The following ABRACL variants were observed in gnomAD, a reference collection of about 807,000 sequenced individuals.
The protein encoded by ABRACL is ABRA C-terminal like.
Under a neutral mutation model 7.0 loss-of-function variants are expected in ABRACL, and 4 were observed. The observed-to-expected ratio is 0.57, with a 90% CI of 0.28 to 1.30. The LOEUF is 1.30. ABRACL is among the 50% of genes most tolerant of loss of function. The pLI is 0.10. For missense variants in ABRACL, 104 were observed against 97.3 expected (o/e 1.07, Z -0.29); for synonymous variants, 30 against 36.0 (o/e 0.83, Z 0.60).
rs565297826 is a variant in ABRACL at position 139,042,995 on chromosome 6, T to G, written c.*92T>G. 1.4e-5 allele frequency: 15 copies of G among 1,109,364 alleles called. No individual in the cohort carries two copies. The African/African-American group carries it at 1.6e-4, about 12-fold the overall frequency. The allele number at this position is 1,109,364 out of a possible 1,614,324, so 68.7% of individuals were successfully genotyped here. A position where few individuals can be genotyped will look rare whatever the true frequency, so the allele number is the denominator to read the frequency against. On this transcript the variant is annotated 3_prime_UTR_variant, in exon 3 of 3. Coordinates refer to ENST00000367660, the MANE Select transcript of ABRACL (RefSeq NM_021243.3). ...AACAAACATTTGAACATACTTAATG[T>G]ATTTTTATAGAACTTTGTAAACGAA...
intron 2 of ABRACL, among the ~76,000 whole-genome samples, chr6:139,040,171 A>AT (rs1429874836): frequency 6.6e-6 from 1 of 152,158 alleles, no homozygotes; most frequent in African/African-American, 2.4e-5. Flanking sequence ...TTTCTTCCAC[A>AT]TTTTTTCTTC....
At chr6:139,032,722 G>T (rs1786101116) in intron 1 of ABRACL, among the ~76,000 whole-genome samples, 1 of 152,132 alleles carries the variant, frequency 6.6e-6, no homozygotes, top group East Asian at 1.9e-4. Context: ...TCTCTTATAT[G>T]ATTTGAAAAA....
intron 1 of ABRACL, among the ~76,000 whole-genome samples, chr6:139,032,719 T>C (rs758639692): frequency 6.6e-6 from 1 of 152,224 alleles, no homozygotes; most frequent in Non-Finnish European, 1.5e-5. Flanking sequence ...TGGTCTCTTA[T>C]ATGATTTGAA....
intron 2 of ABRACL, among the ~76,000 whole-genome samples, chr6:139,041,531 A>ATATTTTTTT (rs748288046): frequency 0.011 from 1,358 of 126,004 alleles, 46 homozygotes; most frequent in South Asian, 0.045. Flanking sequence ...ATATATATAT[A>ATATTTTTTT]TTTTTTTTTA....
chr6:139,035,471 C>G (rs1449419301), intron 2 of ABRACL, among the ~76,000 whole-genome samples: 2 of 149,742 alleles, frequency 1.3e-5, no homozygotes, highest in African/African-American at 4.9e-5. Context: ...ATCATACTGA[C>G]ATCCTCCACT....
In ABRACL at chr6:139,042,981, G is replaced by T; in HGVS notation, c.*78G>T. 1 of 1,216,776 alleles carries T rather than the reference G, an allele frequency of 8.2e-7. No individual in the cohort carries two copies. The highest frequency in any genetic ancestry group is 1.7e-5 in the South Asian group (1 of 58,676). The allele number at this position is 1,216,776 out of a possible 1,614,324, so 75.4% of individuals were successfully genotyped here. A position where few individuals can be genotyped will look rare whatever the true frequency, so the allele number is the denominator to read the frequency against. Reference sequence around the variant, plus strand: ...ATATAAAGTGAAAGAACAAACATTTGAACATACTTAATGTATTTTTATAGA... The same window carrying T: ...ATATAAAGTGAAAGAACAAACATTTTAACATACTTAATGTATTTTTATAGA... On this transcript the variant is annotated 3_prime_UTR_variant, in exon 3 of 3. Transcript: ENST00000367660.
chr6:139,037,271 C>T (rs1786173662), intron 2 of ABRACL, among the ~76,000 whole-genome samples: 1 of 151,898 alleles, frequency 6.6e-6, no homozygotes, highest in South Asian at 2.1e-4. Flanking sequence ...TATTTAGTTT[C>T]TTTTTTGAGA....
intron 2 of ABRACL, among the ~76,000 whole-genome samples, chr6:139,042,095 C>A (rs1246130216): frequency 2.0e-5 from 3 of 152,158 alleles, no homozygotes; most frequent in Non-Finnish European, 2.9e-5. Flanking sequence ...TTACCCTTGC[C>A]TCCAGGTTTT....
intron 1 of ABRACL, among the ~76,000 whole-genome samples, chr6:139,029,280 G>A (rs1786041416): frequency 6.6e-6 from 1 of 152,122 alleles, no homozygotes; most frequent in Non-Finnish European, 1.5e-5. Context: ...GGAACGTGGT[G>A]GCCTCAGGGC....
At chr6:139,037,622 C>T (rs1369977673) in intron 2 of ABRACL, among the ~76,000 whole-genome samples, 4 of 152,074 alleles carry the variant, frequency 2.6e-5, no homozygotes, top group Non-Finnish European at 5.9e-5. Flanking sequence ...ATTTTTCTCC[C>T]ACGCATTTCA....
intron 2 of ABRACL, among the ~76,000 whole-genome samples, chr6:139,041,901 A>G (rs934606758): frequency 6.6e-6 from 1 of 152,140 alleles, no homozygotes; most frequent in African/African-American, 2.4e-5. Context: ...AGTTCTAGCC[A>G]GGGAGCATGG....
chr6:139,036,171 C>A (rs1293470080), intron 2 of ABRACL, among the ~76,000 whole-genome samples: 5 of 151,660 alleles, frequency 3.3e-5, no homozygotes, highest in African/African-American at 1.2e-4. Flanking sequence ...GAACTCCTGG[C>A]CTCAAGTGAT....
rs1032192172 is a variant in ABRACL, at chr6:139,042,985, A to G, written c.*82A>G. ...AAAGTGAAAGAACAAACATTTGAAC[A>G]TACTTAATGTATTTTTATAGAACTT... On this transcript the variant is annotated 3_prime_UTR_variant, in exon 3 of 3. Transcript: ENST00000367660. 5.7e-5 allele frequency: 67 copies of G among 1,174,588 alleles called. No individual in the cohort carries two copies. Among genetic ancestry groups the G allele is most frequent in the Admixed American group, 1.0e-4 (4 of 38,132 alleles). 72.8% of individuals were successfully genotyped at this position (1,174,588 alleles called of 1,614,324 possible). A position where few individuals can be genotyped will look rare whatever the true frequency, so the allele number is the denominator to read the frequency against.
At chr6:139,038,446 ATTAT>A (rs1019881915) in intron 2 of ABRACL, among the ~76,000 whole-genome samples, 6 of 152,250 alleles carry the variant, frequency 3.9e-5, no homozygotes, top group Non-Finnish European at 8.8e-5. Flanking sequence ...GTTATGGTTA[ATTAT>A]TTAAGTTGTA....
chr6:139,030,879 TA>T (rs1484954799), intron 1 of ABRACL, among the ~76,000 whole-genome samples: 2 of 152,182 alleles, frequency 1.3e-5, no homozygotes, highest in East Asian at 3.8e-4. Context: ...CTACATGAAT[TA>T]ACGTAGATAA....
intron 2 of ABRACL, among the ~76,000 whole-genome samples, chr6:139,035,043 G>A (rs1190129489): frequency 6.6e-6 from 1 of 152,202 alleles, no homozygotes; most frequent in Non-Finnish European, 1.5e-5. Context: ...GTGAAAAACA[G>A]TTCTAGAAAG....
chr6:139,031,518 G>A (rs1786081405), intron 1 of ABRACL, among the ~76,000 whole-genome samples: 1 of 152,164 alleles, frequency 6.6e-6, no homozygotes, highest in African/African-American at 2.4e-5. Context: ...CAAGCAAAAA[G>A]GAAAGATACC....
intron 1 of ABRACL, among the ~76,000 whole-genome samples, chr6:139,030,915 A>G (rs954895123): frequency 8.5e-5 from 13 of 152,230 alleles, no homozygotes; most frequent in African/African-American, 3.1e-4. Flanking sequence ...AATTAATTAT[A>G]AAGAAACGCT....
In ABRACL at chr6:139,034,545, C is replaced by A. The variant is rs114182887; in HGVS notation, c.61+324C>A. The A allele has an allele frequency of 5.9e-3, 5,361 of 902,832 alleles. 185 individuals are homozygous for A. In the African/African-American group the frequency reaches 0.077, roughly 13 times the overall value. The allele number at this position is 902,832 out of a possible 1,614,324, so 55.9% of individuals were successfully genotyped here. ...CATGTTCAAATTTTTACTTGTCATA[C>A]TATTAAAATTCATGTTTTCTGCCTT... On this transcript the variant is annotated intron_variant, in intron 2 of 2. Transcript: ENST00000367660.
Sources: gnomAD v4.1 joint callset for allele counts (sites outside exome capture counted in the v4.1 genomes callset) on GRCh38, gnomAD v4.1.1 for gene constraint, MANE v1.5 for transcripts, NCBI Gene and HGNC (gene_info 2026-07-23, HGNC 2026-07-21) for gene names.